ABCB5: variants seen among roughly 807,000 people sequenced by gnomAD.
ABCB5 encodes the protein ATP binding cassette subfamily B member 5, also known as ATP-binding cassette sub-family B member 5.
A neutral mutation model predicts 144.2 loss-of-function variants in ABCB5; 155 were observed. The observed-to-expected ratio is 1.08, with a 90% CI of 0.94 to 1.23. The LOEUF is 1.23. Ranked by LOEUF, ABCB5 falls within the 50% of genes most tolerant of loss-of-function variation. The probability of loss-of-function intolerance (pLI) is 0.00; values close to 1 mark genes in which losing one functional copy is unlikely to be tolerated. For synonymous variants in ABCB5, 610 were observed against 528.6 expected (o/e 1.15, Z -2.11); for missense variants, 1,830 against 1,520.8 (o/e 1.20, Z -3.38).
chr7:20,750,189 G>A (rs913099746), intron 26 of ABCB5, among the ~76,000 whole-genome samples: 2 of 152,138 alleles, frequency 1.3e-5, no homozygotes, highest in Admixed American at 1.3e-4. Context: ...CCAGGGATAG[G>A]TTTTGAAGGC....
At chr7:20,738,044 C>T (rs568411807) in intron 23 of ABCB5, among the ~76,000 whole-genome samples, 8 of 152,310 alleles carry the variant, frequency 5.3e-5, no homozygotes, top group African/African-American at 1.9e-4. Flanking sequence ...TGATAGGCCC[C>T]ATTGAGGGAG....
At chr7:20,723,395 A>G (rs1276883271) in intron 21 of ABCB5, among the ~76,000 whole-genome samples, 176 bp downstream of exon 21, 1 of 152,220 alleles carries the variant, frequency 6.6e-6, no homozygotes, top group Non-Finnish European at 1.5e-5. Flanking sequence ...AATTTAGGAT[A>G]GAAGGTAGAT....
intron 16 of ABCB5, among the ~76,000 whole-genome samples, chr7:20,695,447 T>TA (rs1786378465): frequency 1.3e-5 from 2 of 151,784 alleles, no homozygotes; most frequent in South Asian, 4.1e-4. Context: ...ACGTAAAACC[T>TA]AAAATAATAA....
Position 20,755,489 on chromosome 7 carries a change from G to C in ABCB5, c.3639G>C (p.Arg1213Ser). 1 of 1,614,142 alleles carries C rather than the reference G, an allele frequency of 6.2e-7. No homozygotes were observed. Among genetic ancestry groups the C allele is most frequent in the African/African-American group, 1.3e-5 (1 of 75,034 alleles). The change falls in exon 28 of 28, where the codon AGG becomes AGC. Residue 1213 changes from arginine (R) to serine (S), a missense_variant. Coordinates refer to ENST00000404938, the MANE Select transcript of ABCB5 (RefSeq NM_001163941.2). ...TGRTCLVVTHRLSAIQNADLI... is the reference protein window; with the variant it reads ...TGRTCLVVTHSLSAIQNADLI... ...GGACATGCCTAGTGGTCACTCACAG[G>C]CTCTCTGCAATTCAGAACGCAGATT...
intron 14 of ABCB5, among the ~76,000 whole-genome samples, chr7:20,671,799 C>A (rs1785465480): frequency 6.6e-6 from 1 of 152,140 alleles, no homozygotes; most frequent in Admixed American, 6.5e-5. Context: ...ATATGCAAGT[C>A]TTTGTATAGA....
chr7:20,623,212 C>T (rs888101449), intron 1 of ABCB5, 53 bp from the exon 2 acceptor site: 18 of 1,050,184 alleles, frequency 1.7e-5, no homozygotes, highest in Non-Finnish European at 2.6e-5. Context: ...TGTATATCAA[C>T]TAAGTGATAA....
rs148573391 is a variant in ABCB5, at chr7:20,663,697, C to A, written c.1707+5021C>A. ...TCGCACAACAGTGTGATTAAGATTG[C>A]AAATTTTATGTTAGGCTTTTTTTTT... is the stretch of plus-strand genomic sequence containing the variant. On this transcript the variant is annotated intron_variant, in intron 14 of 27. Transcript: ENST00000404938. Among the ~76,000 whole-genome samples, 975 of 146,344 alleles carry A rather than the reference C, an allele frequency of 6.7e-3. 15 individuals are homozygous for A. Among genetic ancestry groups the A allele is most frequent in the African/African-American group, 0.022 (855 of 39,462 alleles).
chr7:20,631,387 A>T (rs536800656), intron 4 of ABCB5, among the ~76,000 whole-genome samples: 5 of 152,280 alleles, frequency 3.3e-5, no homozygotes, highest in African/African-American at 1.2e-4. Context: ...TGGTTATAAC[A>T]GATGAAGAGT....
chr7:20,618,588 C>T (rs1783736992), intron 1 of ABCB5, among the ~76,000 whole-genome samples: 1 of 151,954 alleles, frequency 6.6e-6, no homozygotes, highest in Admixed American at 6.6e-5. Context: ...TGATAGTCTC[C>T]AGTGGCTATT....
chr7:20,646,211 T>G, intron 9 of ABCB5, 73 bp downstream of exon 9: 1 of 1,423,210 alleles, frequency 7.0e-7, no homozygotes, highest in African/African-American at 1.4e-5. Flanking sequence ...AAATTCCTCT[T>G]TGAAGATAAA....
intron 1 of ABCB5, among the ~76,000 whole-genome samples, chr7:20,616,383 G>A (rs1448948475): frequency 1.3e-5 from 2 of 152,144 alleles, no homozygotes; most frequent in Non-Finnish European, 2.9e-5. Flanking sequence ...CATCCAACCA[G>A]TATATCTTAG....
chr7:20,730,274 C>G (rs1782165040), intron 23 of ABCB5, among the ~76,000 whole-genome samples: 1 of 152,222 alleles, frequency 6.6e-6, no homozygotes, highest in South Asian at 2.1e-4. Context: ...CTTTGGGAGT[C>G]CAAGGCAGGT....
intron 20 of ABCB5, among the ~76,000 whole-genome samples, chr7:20,714,195 T>A (rs1433817312): frequency 6.6e-6 from 1 of 152,234 alleles, no homozygotes; most frequent in African/African-American, 2.4e-5. Context: ...CCATATGGCA[T>A]TTTATTTCTA....
intron 5 of ABCB5, among the ~76,000 whole-genome samples, chr7:20,638,331 A>T (rs951547759): frequency 6.6e-6 from 1 of 152,074 alleles, no homozygotes; most frequent in Non-Finnish European, 1.5e-5. Context: ...TTTTAGTGCA[A>T]TTGTACTGTT....
chr7:20,658,802 G>A (rs1022977812), intron 14 of ABCB5, 126 bp downstream of exon 14: 25 of 1,183,982 alleles, frequency 2.1e-5, no homozygotes, highest in Non-Finnish European at 2.9e-5. Context: ...AAGGCAGGAT[G>A]TTAATCCACT....
rs111717651 is a variant in ABCB5, at chr7:20,647,622, T to A, written c.1069T>A (p.Phe357Ile). 5.7e-6 allele frequency: 9 copies of A among 1,576,270 alleles called. No homozygotes were observed. The African/African-American group carries it at 6.7e-5, about 12-fold the overall frequency. ...CTTCGCAATAGCCCGAGGAGCTGCC[T>A]TTCATATTTTCCAGGTTATTGATAA... Reference protein sequence around the residue: ...ETFAIARGAAFHIFQVIDKKP... With the variant: ...ETFAIARGAAIHIFQVIDKKP... The change falls in exon 10 of 28, where the codon TTT (phenylalanine) becomes ATT (isoleucine). Residue 357 changes from phenylalanine to isoleucine, a missense_variant. Physicochemically the swap from Phe to Ile is conservative, Grantham distance 21. Transcript: ENST00000404938.
At chr7:20,733,566 C>A (rs1016854391) in intron 23 of ABCB5, among the ~76,000 whole-genome samples, 9 of 151,696 alleles carry the variant, frequency 5.9e-5, no homozygotes, top group African/African-American at 2.2e-4. Context: ...CCCAGTGCCC[C>A]AAGGGAAGGA....
intron 20 of ABCB5, among the ~76,000 whole-genome samples, chr7:20,716,931 G>T (rs1392959503): frequency 6.6e-6 from 1 of 152,002 alleles, no homozygotes; most frequent in Non-Finnish European, 1.5e-5. Flanking sequence ...CCATCTACTC[G>T]ATTCCCCAGC....
At chr7:20,740,468 C>T (rs1490524499) in intron 24 of ABCB5, among the ~76,000 whole-genome samples, 1 of 152,052 alleles carries the variant, frequency 6.6e-6, no homozygotes, top group Non-Finnish European at 1.5e-5. Flanking sequence ...AAGAAGAATG[C>T]CTGTTAGTGA....
Sources: gnomAD v4.1 joint callset for allele counts (sites outside exome capture counted in the v4.1 genomes callset) on GRCh38, gnomAD v4.1.1 for gene constraint, MANE v1.5 for transcripts, NCBI Gene and HGNC (gene_info 2026-07-23, HGNC 2026-07-21) for gene names.